SRBD1: variants seen among roughly 807,000 people sequenced by gnomAD.
SRBD1 encodes the protein S1 RNA-binding domain-containing protein 1.
A neutral mutation model predicts 115.3 loss-of-function variants in SRBD1; 88 were observed. That is an observed-to-expected ratio of 0.76 (90% CI 0.64 to 0.91). The LOEUF (loss-of-function observed/expected upper bound fraction) is 0.91, where lower values mean the gene tolerates loss of function less well. Among genes scored for constraint, SRBD1 ranks in the 40% least tolerant of loss-of-function variants. The pLI is 0.00. For missense variants in SRBD1, 1,385 were observed against 1,177.4 expected, an observed-to-expected ratio of 1.18 and a Z score of -2.58; for synonymous variants, 509 against 407.7, an observed-to-expected ratio of 1.25 and a Z score of -2.99.
intron 16 of SRBD1, among the ~76,000 whole-genome samples, chr2:45,469,558 A>G (rs1486173522): frequency 6.6e-6 from 1 of 152,220 alleles, no homozygotes; most frequent in East Asian, 1.9e-4. Flanking sequence ...ATGTGTGTGT[A>G]TACATGGCTT....
intron 4 of SRBD1, among the ~76,000 whole-genome samples, chr2:45,595,432 T>G (rs1673864224): frequency 6.6e-6 from 1 of 152,250 alleles, no homozygotes; most frequent in Non-Finnish European, 1.5e-5. Context: ...AGATAACTAT[T>G]CAGGATTTCC....
intron 14 of SRBD1, among the ~76,000 whole-genome samples, chr2:45,537,414 C>T (rs1671795136): frequency 6.6e-6 from 1 of 152,188 alleles, no homozygotes; most frequent in Non-Finnish European, 1.5e-5. Flanking sequence ...GGAATGCAAA[C>T]TTCAAGAGGG....
chr2:45,485,137 T>C (rs1670079690), intron 15 of SRBD1, among the ~76,000 whole-genome samples: 1 of 152,192 alleles, frequency 6.6e-6, no homozygotes, highest in South Asian at 2.1e-4. Flanking sequence ...TTTGGTCTCG[T>C]TGCTTTTTAA....
At chr2:45,428,063 C>T (rs1668211861) in intron 16 of SRBD1, among the ~76,000 whole-genome samples, 1 of 152,202 alleles carries the variant, frequency 6.6e-6, no homozygotes, top group Non-Finnish European at 1.5e-5. Flanking sequence ...CTCAGCACCA[C>T]ATCGCACTTA....
At chr2:45,444,940 T>C (rs552051936) in intron 16 of SRBD1, among the ~76,000 whole-genome samples, 1 of 152,184 alleles carries the variant, frequency 6.6e-6, no homozygotes, top group South Asian at 2.1e-4. Context: ...CTTGAAAACT[T>C]TGCCAGATGA....
intron 19 of SRBD1, among the ~76,000 whole-genome samples, chr2:45,406,465 C>T (rs1405082848): frequency 1.3e-5 from 2 of 151,956 alleles, no homozygotes; most frequent in Non-Finnish European, 2.9e-5. Flanking sequence ...ATCCCATGTT[C>T]CCCTTATATA....
At chr2:45,429,159 C>G (rs919827779) in intron 16 of SRBD1, among the ~76,000 whole-genome samples, 5 of 152,064 alleles carry the variant, frequency 3.3e-5, no homozygotes, top group Non-Finnish European at 7.4e-5. Context: ...TAATTAATAG[C>G]CTACCAACCA....
At chr2:45,576,706 T>C (rs1221925471) in intron 7 of SRBD1, among the ~76,000 whole-genome samples, 1 of 152,176 alleles carries the variant, frequency 6.6e-6, no homozygotes, top group African/African-American at 2.4e-5. Flanking sequence ...AGGAAAACCA[T>C]TCACAAGAAC....
intron 6 of SRBD1, 61 bp from the exon 7 acceptor site, chr2:45,580,074 G>T (rs1243557709): frequency 2.2e-6 from 3 of 1,369,036 alleles, no homozygotes; most frequent in Non-Finnish European, 2.9e-6. Context: ...TTAAAACTAG[G>T]TTACAAAATT....
chr2:45,439,492 T>C (rs938491722), intron 16 of SRBD1, among the ~76,000 whole-genome samples: 3 of 151,266 alleles, frequency 2.0e-5, no homozygotes, highest in Admixed American at 1.3e-4. Context: ...CTGTGTATTA[T>C]AATCCCTAGA....
chr2:45,534,741 A>G (rs1178293843), intron 14 of SRBD1, among the ~76,000 whole-genome samples: 1 of 152,000 alleles, frequency 6.6e-6, no homozygotes, highest in Admixed American at 6.6e-5. Context: ...CTTTTCCTCC[A>G]TATAAAACAG....
intron 14 of SRBD1, among the ~76,000 whole-genome samples, chr2:45,524,179 A>G (rs1671371105): frequency 6.6e-6 from 1 of 152,064 alleles, no homozygotes. Flanking sequence ...CATGTAGGAA[A>G]AACCCACAGT....
chr2:45,543,009 A>G (rs956303518), intron 14 of SRBD1, among the ~76,000 whole-genome samples: 1 of 152,260 alleles, frequency 6.6e-6, no homozygotes, highest in Non-Finnish European at 1.5e-5. Flanking sequence ...TATAACTACA[A>G]AAGCAAAATG....
At chr2:45,469,062 T>C (rs577416568) in intron 16 of SRBD1, among the ~76,000 whole-genome samples, 8 of 152,310 alleles carry the variant, frequency 5.3e-5, no homozygotes, top group African/African-American at 1.7e-4. Flanking sequence ...TCTGGAATTG[T>C]CTTTTCATGT....
chr2:45,398,596 G>T lies in SRBD1; in HGVS notation c.2514-5467C>A, dbSNP rs147447929. On this transcript the variant is annotated intron_variant, in intron 19 of 20. Transcript: ENST00000263736. ...TAGGAGAATATATCCTTAGAAAGCTGTTTTATTTTAAAATTTCTATTACTT... is the reference window on the plus strand; with the variant it reads ...TAGGAGAATATATCCTTAGAAAGCTTTTTTATTTTAAAATTTCTATTACTT... Among the ~76,000 whole-genome samples the T allele has an allele frequency of 1.2e-4, 19 of 152,204 alleles. 1 individual carries two copies. In the East Asian group the frequency reaches 3.3e-3, roughly 26 times the overall value.
intron 14 of SRBD1, among the ~76,000 whole-genome samples, chr2:45,517,807 C>T (rs1671165722): frequency 6.6e-6 from 1 of 152,042 alleles, no homozygotes; most frequent in African/African-American, 2.4e-5. Context: ...CCAGCCTGGG[C>T]AACATAGCAA....
At chr2:45,528,323 A>C (rs1671512114) in intron 14 of SRBD1, among the ~76,000 whole-genome samples, 1 of 151,812 alleles carries the variant, frequency 6.6e-6, no homozygotes, top group East Asian at 1.9e-4. Context: ...TCAAAAGAAG[A>C]ATGGTAAACA....
chr2:45,553,038 A>T (rs1672352711), intron 11 of SRBD1, among the ~76,000 whole-genome samples: 1 of 152,172 alleles, frequency 6.6e-6, no homozygotes, highest in African/African-American at 2.4e-5. Flanking sequence ...GTTTCTAAAG[A>T]TTGGGTGCAA....
chr2:45,535,131 T>C (rs944270800), intron 14 of SRBD1, among the ~76,000 whole-genome samples: 1 of 152,036 alleles, frequency 6.6e-6, no homozygotes, highest in Non-Finnish European at 1.5e-5. Context: ...GACTGAATTA[T>C]TGACTAAAAT....
Sources: gnomAD v4.1 joint callset for allele counts (sites outside exome capture counted in the v4.1 genomes callset) on GRCh38, gnomAD v4.1.1 for gene constraint, MANE v1.5 for transcripts, NCBI Gene and HGNC (gene_info 2026-07-23, HGNC 2026-07-21) for gene names.